The following PGPEP1L variants were observed in gnomAD, a reference collection of about 807,000 sequenced individuals.
PGPEP1L encodes pyroglutamyl-peptidase 1-like protein.
In PGPEP1L, 7 loss-of-function variants were observed where a neutral mutation model predicts 6.0. That is an observed-to-expected ratio of 1.17 (90% CI 0.66 to 2.19). PGPEP1L has a LOEUF of 2.19. Ranked by LOEUF, PGPEP1L falls within the 30% of genes most tolerant of loss-of-function variation. PGPEP1L has a pLI of 0.00. For synonymous variants in PGPEP1L, 103 were observed against 83.9 expected, an observed-to-expected ratio of 1.23 and a Z score of -1.24; for missense variants, 209 against 192.5, an observed-to-expected ratio of 1.09 and a Z score of -0.51.
rs369052790 is a variant in PGPEP1L at position 98,968,519 on chromosome 15, C to A, written c.388G>T (p.Glu130Ter). The A allele has an allele frequency of 3.7e-6, 6 of 1,613,620 alleles. No homozygotes were observed. Among genetic ancestry groups the A allele is most frequent in the Non-Finnish European group, 5.1e-6 (6 of 1,179,790 alleles). ...VGKPKHRAQFEENSTMVLPAK... is the reference protein window; with the variant it reads ...VGKPKHRAQF Reference sequence around the variant, plus strand: ...GGAAGGACCATGGTTGAGTTTTCTTCGAACTGGGCTCTGTGCTTGGGCTTT... The same window carrying A: ...GGAAGGACCATGGTTGAGTTTTCTTAGAACTGGGCTCTGTGCTTGGGCTTT... The change falls in exon 5 of 5, where the codon GAA becomes TAA. Residue 130 changes from glutamate (E) to a stop codon, truncating the protein, a stop_gained. Transcript: ENST00000535714. LOFTEE classifies it low-confidence loss of function (END_TRUNC).
At chr15:98,971,554 A>G (rs372106870) in intron 2 of PGPEP1L, among the ~76,000 whole-genome samples, 40 of 152,314 alleles carry the variant, frequency 2.6e-4, no homozygotes, top group African/African-American at 8.9e-4. Context: ...ACCAACAACA[A>G]TACTGTACCC....
At chr15:98,994,683 T>G (rs2017864341) in intron 2 of PGPEP1L, among the ~76,000 whole-genome samples, 1 of 152,212 alleles carries the variant, frequency 6.6e-6, no homozygotes, top group Non-Finnish European at 1.5e-5. Flanking sequence ...TCCTTGCATT[T>G]CACACTGTCT....
At position 99,007,397 on chromosome 15, in the gene PGPEP1L, T is replaced by C. The variant is rs1555473861; in HGVS notation, c.-408A>G. On this transcript the variant is annotated 5_prime_UTR_variant, in exon 1 of 5. Transcript: ENST00000535714. ...GGTGTGTCCAGAATCGGCGGATTCT[T>C]GGTCTCACTGACTTCAAGAACGAAG... 6.6e-6 allele frequency: 1 copy of C among 152,418 alleles called. No individual in the cohort carries two copies. Among genetic ancestry groups the C allele is most frequent in the African/African-American group, 2.4e-5 (1 of 41,468 alleles). 9.4% of individuals were successfully genotyped at this position (152,418 alleles called of 1,614,324 possible).
At chr15:98,998,310 C>A (rs2017915864) in intron 2 of PGPEP1L, 1 of 152,416 alleles carries the variant, frequency 6.6e-6, no homozygotes, top group African/African-American at 2.4e-5. Context: ...CTTTGCACGT[C>A]CCCTTCCCCA....
At chr15:98,998,730 C>A (rs1176347110) in intron 2 of PGPEP1L, among the ~76,000 whole-genome samples, 1 of 152,174 alleles carries the variant, frequency 6.6e-6, no homozygotes, top group African/African-American at 2.4e-5. Flanking sequence ...GTAATCCCAG[C>A]AATTTGGGAG....
intron 2 of PGPEP1L, among the ~76,000 whole-genome samples, chr15:99,003,568 C>T (rs573418782): frequency 1.3e-5 from 2 of 151,992 alleles, no homozygotes; most frequent in Non-Finnish European, 2.9e-5. Context: ...TCGGAGCCCT[C>T]GTTCTCCCAC....
intron 2 of PGPEP1L, chr15:99,001,114 ACT>A (rs2017961641): frequency 2.3e-6 from 1 of 441,284 alleles, no homozygotes; most frequent in Non-Finnish European, 4.5e-6. Flanking sequence ...GAAGGAAGAA[ACT>A]CTGAACACAT....
At chr15:99,000,891 T>A (rs1277592080) in intron 2 of PGPEP1L, among the ~76,000 whole-genome samples, 2 of 152,116 alleles carry the variant, frequency 1.3e-5, no homozygotes, top group African/African-American at 4.8e-5. Context: ...TTTCGCTCTT[T>A]ACAATCAATC....
intron 2 of PGPEP1L, among the ~76,000 whole-genome samples, chr15:98,979,142 T>C (rs1326733823): frequency 6.6e-6 from 1 of 152,062 alleles, no homozygotes; most frequent in Admixed American, 6.6e-5. Flanking sequence ...GGTCAGACTG[T>C]TTCCCATGCT....
Position 98,968,311 on chromosome 15 carries a change from T to C in PGPEP1L, c.*167A>G. 1.5e-6 allele frequency: 1 copy of C among 668,736 alleles called. No individual in the cohort carries two copies. Among genetic ancestry groups the C allele is most frequent in the Non-Finnish European group, 2.5e-6 (1 of 392,322 alleles). The allele number at this position is 668,736 out of a possible 1,614,324, so 41.4% of individuals were successfully genotyped here. ...GTGAAATGTCCACCTTTCAGAGTGT[T>C]CTTTCTCCTGACAATAAAATAACCC... is the stretch of plus-strand genomic sequence containing the variant. On this transcript the variant is annotated 3_prime_UTR_variant, in exon 5 of 5. Transcript: ENST00000535714.
At chr15:98,991,388 C>T (rs2017817872) in intron 2 of PGPEP1L, among the ~76,000 whole-genome samples, 1 of 152,132 alleles carries the variant, frequency 6.6e-6, no homozygotes, top group South Asian at 2.1e-4. Flanking sequence ...GACACATACA[C>T]CCTCCCAAGA....
chr15:98,979,186 A>G (rs1054524301), intron 2 of PGPEP1L, among the ~76,000 whole-genome samples: 1 of 152,130 alleles, frequency 6.6e-6, no homozygotes, highest in African/African-American at 2.4e-5. Context: ...GATGTGATGG[A>G]TTTCATCAAA....
intron 2 of PGPEP1L, among the ~76,000 whole-genome samples, chr15:98,996,223 T>A (rs1173966761): frequency 1.3e-5 from 2 of 152,236 alleles, no homozygotes; most frequent in Non-Finnish European, 2.9e-5. Context: ...TATTTGGTGA[T>A]CTTTAATTGG....
intron 2 of PGPEP1L, among the ~76,000 whole-genome samples, chr15:99,000,161 C>G (rs554226042): frequency 6.6e-6 from 1 of 152,362 alleles, no homozygotes; most frequent in East Asian, 1.9e-4. Context: ...CCAGCCCCGC[C>G]GGCCCCAGGC....
At position 98,968,612 on chromosome 15, in the gene PGPEP1L, C is replaced by T. The variant is rs376910121; in HGVS notation, c.295G>A (p.Gly99Arg). Reference sequence around the variant, plus strand: ...CTTCCCAGCAGGCTGGCCGGGAGCCCGCGCGATAGTGGAGGGACATGGATG... The same window carrying T: ...CTTCCCAGCAGGCTGGCCGGGAGCCTGCGCGATAGTGGAGGGACATGGATG... ...ALIHVPPLSRGLPASLLGRAL... is the reference protein window; with the variant it reads ...ALIHVPPLSRRLPASLLGRAL... The change falls in exon 5 of 5, where the codon GGG becomes AGG. Residue 99 changes from glycine (G) to arginine (R), a missense_variant. By Grantham distance (125) the Gly-to-Arg change is moderately radical. Transcript: ENST00000535714. 9.0e-5 allele frequency: 145 copies of T among 1,606,212 alleles called. No individual in the cohort carries two copies. The highest frequency in any genetic ancestry group is 4.0e-5 in the African/African-American group (3 of 74,864).
At chr15:99,000,381 G>A (rs2017947514) in intron 2 of PGPEP1L, among the ~76,000 whole-genome samples, 1 of 152,230 alleles carries the variant, frequency 6.6e-6, no homozygotes, top group African/African-American at 2.4e-5. Flanking sequence ...AAGGGCTGAG[G>A]AGTGCGGGCA....
Position 98,987,165 on chromosome 15 carries a change from C to CAAAAAAAAAAAAAA in PGPEP1L, c.-141-16021_-141-16008dup, listed in dbSNP as rs57923635. On this transcript the variant is annotated intron_variant, in intron 2 of 4. Transcript: ENST00000535714. ...TGGGTGACAGAGTGAGACTCCATCT[C>CAAAAAAAAAAAAAA]AAAAAAAAAAAAAAAAAAAAAAAAA... Among the ~76,000 whole-genome samples the CAAAAAAAAAAAAAA allele has an allele frequency of 1.2e-3, 39 of 33,398 alleles. 6 individuals carry two copies. The highest frequency in any genetic ancestry group is 4.9e-3 in the East Asian group (3 of 608). The allele number at this position is 33,398 out of a possible 152,430, so 21.9% of individuals were successfully genotyped here.
Position 98,979,633 on chromosome 15 carries a change from CTTTTTTTTTTTTTTTTTTTTTTT to C in PGPEP1L, c.-141-8498_-141-8476del, listed in dbSNP as rs568793204. 8.6e-3 allele frequency among the ~76,000 whole-genome samples: 401 copies of C among 46,532 alleles called. 8 individuals carry two copies. Among genetic ancestry groups the C allele is most frequent in the African/African-American group, 0.021 (346 of 16,722 alleles). The allele number at this position is 46,532 out of a possible 152,430, so 30.5% of individuals were successfully genotyped here. A position where few individuals can be genotyped will look rare whatever the true frequency, so the allele number is the denominator to read the frequency against. On this transcript the variant is annotated intron_variant, in intron 2 of 4. Coordinates refer to ENST00000535714, the MANE Select transcript of PGPEP1L (RefSeq NM_001167902.2). The stretch of plus-strand genomic sequence containing the variant: ...AACCTGGATGGGATTGGAGACTATT[CTTTTTTTTTTTTTTTTTTTTTTT>C]TTTTTTTTTTTGGAGACAGAGTCTC...
chr15:98,969,712 A>T (rs1041233697), intron 3 of PGPEP1L, 61 bp from the exon 4 acceptor site: 3 of 1,543,632 alleles, frequency 1.9e-6, no homozygotes, highest in Non-Finnish European at 2.7e-6. Context: ...TGCTCACCAA[A>T]TGTGCAGAAG....
Sources: allele counts gnomAD v4.1 joint callset (sites outside exome capture counted in the v4.1 genomes callset), GRCh38; gene constraint gnomAD v4.1.1; transcripts MANE v1.5; gene names NCBI Gene and HGNC (gene_info 2026-07-23, HGNC 2026-07-21).